DCC: variants seen among roughly 807,000 people sequenced by gnomAD.
DCC encodes the protein DCC netrin 1 receptor, also known as netrin receptor DCC.
Under a neutral mutation model 172.5 loss-of-function variants are expected in DCC, and 58 were observed. The observed-to-expected ratio is 0.34, with a 90% confidence interval of 0.27 to 0.42. DCC has a LOEUF of 0.42. Among genes scored for constraint, DCC ranks in the 10% least tolerant of loss-of-function variants. The pLI, the probability that DCC is intolerant of heterozygous loss-of-function variation, is 1.00. For synonymous variants in DCC, 709 were observed against 644.5 expected (o/e 1.10, Z -1.52); for missense variants, 1,740 against 1,791.0 (o/e 0.97, Z 0.51).
intron 1 of DCC, among the ~76,000 whole-genome samples, chr18:52,528,278 A>AT (rs1847430608): frequency 6.6e-6 from 1 of 152,210 alleles, no homozygotes; most frequent in South Asian, 2.1e-4. Context: ...AATAAGGCTG[A>AT]TACATATGTG....
chr18:52,841,670 A>G (rs1040788142), intron 2 of DCC, among the ~76,000 whole-genome samples: 2 of 152,164 alleles, frequency 1.3e-5, no homozygotes, highest in African/African-American at 2.4e-5. Context: ...AGTGGGTGCT[A>G]TTGGTGACCT....
intron 2 of DCC, among the ~76,000 whole-genome samples, chr18:52,862,662 C>T (rs1218651066): frequency 2.0e-5 from 3 of 152,020 alleles, no homozygotes. Flanking sequence ...TGCGCCACTG[C>T]ACTTCAGCCT....
chr18:53,072,752 G>A (rs1423094202), intron 7 of DCC, among the ~76,000 whole-genome samples: 1 of 152,136 alleles, frequency 6.6e-6, no homozygotes, highest in Admixed American at 6.5e-5. Flanking sequence ...GTTTGCTTGG[G>A]CAAGATATAG....
At chr18:53,357,381 T>C (rs1240640730) in intron 15 of DCC, among the ~76,000 whole-genome samples, 1 of 152,188 alleles carries the variant, frequency 6.6e-6, no homozygotes, top group Non-Finnish European at 1.5e-5. Flanking sequence ...AATTACAATG[T>C]TAACTTCAGC....
At chr18:53,451,732 T>C (rs1349317496) in intron 23 of DCC, among the ~76,000 whole-genome samples, 1 of 151,746 alleles carries the variant, frequency 6.6e-6, no homozygotes, top group Non-Finnish European at 1.5e-5. Context: ...TCTCTCTCTC[T>C]CCATCTCTCT....
chr18:53,456,415 G>A (rs2045483803), intron 23 of DCC, among the ~76,000 whole-genome samples: 1 of 152,138 alleles, frequency 6.6e-6, no homozygotes, highest in Non-Finnish European at 1.5e-5. Context: ...CTATTCTAGG[G>A]CTATTTTAGA....
At chr18:52,681,322 A>G (rs1728949552) in intron 1 of DCC, among the ~76,000 whole-genome samples, 1 of 152,006 alleles carries the variant, frequency 6.6e-6, no homozygotes, top group African/African-American at 2.4e-5. Context: ...GGACACATTT[A>G]TCTACATATC....
intron 14 of DCC, among the ~76,000 whole-genome samples, chr18:53,330,035 C>G (rs904239912): frequency 1.3e-5 from 2 of 152,146 alleles, no homozygotes; most frequent in Non-Finnish European, 1.5e-5. Context: ...TTACATCAAA[C>G]TAGTTGACAG....
At position 53,351,405 on chromosome 18, in the gene DCC, A is replaced by ATATACAGTG. The variant is rs1365394852; in HGVS notation, c.2359+11502_2359+11503insCAGTGTATA. 1.0e-3 allele frequency among the ~76,000 whole-genome samples: 12 copies of ATATACAGTG among 12,002 alleles called. 1 individual carries two copies. The highest frequency in any genetic ancestry group is 0.05 in the Middle Eastern group (1 of 20). 7.9% of individuals were successfully genotyped at this position (12,002 alleles called of 152,430 possible). A position where few individuals can be genotyped will look rare whatever the true frequency, so the allele number is the denominator to read the frequency against. ...TACAGTATATATATATACAGTGTATATATATATATATACACACTGTGTATA... is the reference window on the plus strand; with the variant it reads ...TACAGTATATATATATACAGTGTATATATACAGTGTATATATATATACACACTGTGTATA... On this transcript the variant is annotated intron_variant, in intron 15 of 28. Coordinates refer to ENST00000442544, the MANE Select transcript of DCC (RefSeq NM_005215.4).
chr18:53,406,703 C>CAAAAAAAAAAAA (rs35372678), intron 19 of DCC, among the ~76,000 whole-genome samples: 5 of 92,266 alleles, frequency 5.4e-5, no homozygotes, highest in Non-Finnish European at 1.0e-4. Context: ...GACTCTGTCT[C>CAAAAAAAAAAAA]AAAAAAAAAA....
chr18:52,963,224 A>C (rs1217699282), intron 5 of DCC, among the ~76,000 whole-genome samples: 1 of 151,874 alleles, frequency 6.6e-6, no homozygotes, highest in Non-Finnish European at 1.5e-5. Context: ...TTTTTTTAAA[A>C]ATTTTTATCT....
chr18:53,207,862 A>T, intron 11 of DCC, 45 bp downstream of exon 11: 1 of 1,527,244 alleles, frequency 6.5e-7, no homozygotes, highest in African/African-American at 1.4e-5. Context: ...TTGACATAAT[A>T]TTGACAATAA....
At chr18:52,562,017 C>T (rs576471234) in intron 1 of DCC, among the ~76,000 whole-genome samples, 13 of 152,244 alleles carry the variant, frequency 8.5e-5, no homozygotes, top group African/African-American at 2.9e-4. Flanking sequence ...CATTAAAGTG[C>T]TGTACAGAAG....
At chr18:53,321,193 TG>T in intron 13 of DCC, among the ~76,000 whole-genome samples, 1 of 152,292 alleles carries the variant, frequency 6.6e-6, no homozygotes, top group South Asian at 2.1e-4. Context: ...TTCAGATGAA[TG>T]GGGGATAACA....
At chr18:52,612,100 A>G (rs530179550) in intron 1 of DCC, among the ~76,000 whole-genome samples, 1 of 152,078 alleles carries the variant, frequency 6.6e-6, no homozygotes, top group African/African-American at 2.4e-5. Context: ...CCAGAATTTC[A>G]CTCCAAACTG....
At chr18:53,448,055 T>C (rs905596581) in intron 22 of DCC, among the ~76,000 whole-genome samples, 1 of 149,562 alleles carries the variant, frequency 6.7e-6, no homozygotes, top group South Asian at 2.1e-4. Flanking sequence ...GAGTTTTTTT[T>C]TTTTTTTTTT....
intron 1 of DCC, among the ~76,000 whole-genome samples, chr18:52,646,088 G>T (rs2035012812): frequency 6.6e-6 from 1 of 152,202 alleles, no homozygotes. Context: ...CTGTTGGGTT[G>T]ATCTGCCAGG....
intron 1 of DCC, among the ~76,000 whole-genome samples, chr18:52,718,491 C>T (rs2036424513): frequency 6.6e-6 from 1 of 152,136 alleles, no homozygotes; most frequent in East Asian, 1.9e-4. Context: ...TTCTTTGAAG[C>T]TCTGAAAGCA....
intron 1 of DCC, among the ~76,000 whole-genome samples, chr18:52,480,454 C>A (rs1254002259): frequency 6.6e-6 from 1 of 152,206 alleles, no homozygotes; most frequent in South Asian, 2.1e-4. Flanking sequence ...ATAAGCAAAC[C>A]TATTCCTTAG....
Sources: allele counts gnomAD v4.1 joint callset (sites outside exome capture counted in the v4.1 genomes callset), GRCh38; gene constraint gnomAD v4.1.1; transcripts MANE v1.5; gene names NCBI Gene and HGNC (gene_info 2026-07-23, HGNC 2026-07-21).